Variants in SV2B observed in about 807,000 individuals in gnomAD.
SV2B encodes synaptic vesicle glycoprotein 2B, also known as solute carrier family 22 member B2.
A neutral mutation model predicts 73.9 loss-of-function variants in SV2B; 41 were observed. The ratio of observed to expected loss-of-function variants is 0.56; its 90% confidence interval spans 0.43 to 0.72. The LOEUF is 0.72. SV2B is among the 30% of genes least tolerant of loss of function. SV2B has a pLI of 0.00. For missense variants in SV2B, 764 were observed against 857.8 expected, an observed-to-expected ratio of 0.89 and a Z score of 1.37; for synonymous variants, 314 against 314.2, an observed-to-expected ratio of 1.00 and a Z score of 0.01.
chr15:91,120,958 C>T (rs1252164748), intron 1 of SV2B, among the ~76,000 whole-genome samples: 1 of 152,134 alleles, frequency 6.6e-6, no homozygotes, highest in Non-Finnish European at 1.5e-5. Flanking sequence ...GATGGCAGAG[C>T]TGCAGCACCC....
chr15:91,226,362 T>C lies in SV2B; in HGVS notation c.99T>C (p.Ser33=), dbSNP rs535010222. ...CCAACCCAGAAGAAGATGCACAGAG[T>C]GATGTCACCGAAGGCCATGATGAGG... ...NESNPEEDAQ[S]DVTEGHDEED... is the part of the protein sequence containing the mutation. The change falls in exon 2 of 13, where the codon AGT becomes AGC. Residue 33 remains serine (S), a synonymous_variant. Transcript: ENST00000394232. The C allele has an allele frequency of 1.1e-5, 18 of 1,613,570 alleles. No homozygotes were observed. The highest frequency in any genetic ancestry group is 4.5e-5 in the East Asian group (2 of 44,868).
intron 1 of SV2B, chr15:91,102,243 G>A (rs973424637): frequency 2.6e-5 from 4 of 152,128 alleles, no homozygotes; most frequent in Non-Finnish European, 4.4e-5. Context: ...TGTTACATGC[G>A]CCTACATCAT....
chr15:91,165,342 TA>T (rs1193313355), intron 1 of SV2B, among the ~76,000 whole-genome samples: 14 of 152,092 alleles, frequency 9.2e-5, no homozygotes, highest in Admixed American at 7.2e-4. Context: ...AAAAAAAAAT[TA>T]TTTTTTTAAA....
At chr15:91,131,147 GTTTTTTTTTTTTT>G (rs56130189) in intron 1 of SV2B, among the ~76,000 whole-genome samples, 1 of 118,090 alleles carries the variant, frequency 8.5e-6, no homozygotes, top group Non-Finnish European at 1.7e-5. Flanking sequence ...ATGTTTTCTT[GTTTTTTTTTTTTT>G]TTTTTTTTAA....
At chr15:91,202,824 C>T (rs1442665661) in intron 1 of SV2B, among the ~76,000 whole-genome samples, 1 of 152,066 alleles carries the variant, frequency 6.6e-6, no homozygotes, top group African/African-American at 2.4e-5. Flanking sequence ...GCCTTTTTAT[C>T]CCCACAGTAA....
chr15:91,168,301 C>CGAGAGAGAGAGAGAGAGAGA lies in SV2B; in HGVS notation c.-391-57561_-391-57542dup, dbSNP rs113991291. On this transcript the variant is annotated intron_variant, in intron 1 of 12. Coordinates refer to ENST00000394232, the MANE Select transcript of SV2B (RefSeq NM_001323032.3). ...TACCTTTGGGCAAAATGGTGAGATACGAGAGAGAGAGAGAGAGAGAGAGAG... is the reference window on the plus strand; with the variant it reads ...TACCTTTGGGCAAAATGGTGAGATACGAGAGAGAGAGAGAGAGAGAGAGAGAGAGAGAGAGAGAGAGAGAG... Among the ~76,000 whole-genome samples, 1,311 of 137,200 alleles carry CGAGAGAGAGAGAGAGAGAGA rather than the reference C, an allele frequency of 9.6e-3. 24 individuals carry two copies. Among genetic ancestry groups the CGAGAGAGAGAGAGAGAGAGA allele is most frequent in the African/African-American group, 0.02 (733 of 35,986 alleles). 90.0% of individuals were successfully genotyped at this position (137,200 alleles called of 152,430 possible). A position where few individuals can be genotyped will look rare whatever the true frequency, so the allele number is the denominator to read the frequency against.
At chr15:91,263,042 A>G (rs1388124371) in intron 6 of SV2B, among the ~76,000 whole-genome samples, 1 of 152,216 alleles carries the variant, frequency 6.6e-6, no homozygotes, top group African/African-American at 2.4e-5. Flanking sequence ...TTTTTGCACT[A>G]CATCAACCTG....
intron 1 of SV2B, among the ~76,000 whole-genome samples, chr15:91,218,260 T>C (rs2046101143): frequency 6.6e-6 from 1 of 152,194 alleles, no homozygotes; most frequent in Admixed American, 6.5e-5. Context: ...CCAAGGCCTG[T>C]CTGCTCAGTT....
At chr15:91,228,480 T>C (rs2046456937) in intron 2 of SV2B, among the ~76,000 whole-genome samples, 1 of 152,168 alleles carries the variant, frequency 6.6e-6, no homozygotes, top group Non-Finnish European at 1.5e-5. Context: ...TCTGAGACAT[T>C]AATTTGTTTT....
chr15:91,187,797 T>C (rs1257662229), intron 1 of SV2B, among the ~76,000 whole-genome samples: 1 of 152,150 alleles, frequency 6.6e-6, no homozygotes, highest in Non-Finnish European at 1.5e-5. Flanking sequence ...GAAGCAGAAC[T>C]TGGGATTTGT....
intron 1 of SV2B, among the ~76,000 whole-genome samples, chr15:91,203,260 C>T (rs1242913375): frequency 6.6e-6 from 1 of 152,210 alleles, no homozygotes; most frequent in African/African-American, 2.4e-5. Flanking sequence ...TGCATAGTCA[C>T]CCCTGAGGTG....
In SV2B at chr15:91,229,451, C is replaced by T. The variant is rs186811743; in HGVS notation, c.451+2737C>T. 1.6e-4 allele frequency among the ~76,000 whole-genome samples: 24 copies of T among 152,260 alleles called. No homozygotes were observed. Among genetic ancestry groups the T allele is most frequent in the South Asian group, 8.3e-4 (4 of 4,816 alleles). ...ACTTTATATTCTGCCATTCTCCCAT[C>T]GGGCATTTGCAGTGAACTATAGCTG... On this transcript the variant is annotated intron_variant, in intron 2 of 12. Transcript: ENST00000394232. This position sits in a 1 kb window ranked among gnomAD's most constrained non-coding sequence, Gnocchi z 4.3.
At chr15:91,135,687 A>G (rs1172089217) in intron 1 of SV2B, among the ~76,000 whole-genome samples, 3 of 152,188 alleles carry the variant, frequency 2.0e-5, no homozygotes, top group Non-Finnish European at 2.9e-5. Context: ...AGAAGGAACC[A>G]GCGTTTACTG....
Position 91,265,936 on chromosome 15 carries a change from A to T in SV2B, c.1009-646A>T, listed in dbSNP as rs1445498732. Among the ~76,000 whole-genome samples the T allele has an allele frequency of 6.6e-6, 1 of 152,148 alleles. No homozygotes were observed. Among genetic ancestry groups the T allele is most frequent in the Non-Finnish European group, 1.5e-5 (1 of 68,018 alleles). ...GGCAGGTGGATCACGAGGCCAGGAG[A>T]TGGAGACCATCCTGGCCAACATGGT... is the stretch of plus-strand genomic sequence containing the variant. On this transcript the variant is annotated intron_variant, in intron 6 of 12. Transcript: ENST00000394232. The surrounding 1 kb of genome is among the most constrained non-coding windows in gnomAD (Gnocchi z 4.2).
In SV2B at chr15:91,283,917, G is replaced by A. The variant is rs1596786905; in HGVS notation, c.1508-104G>A. The A allele has an allele frequency of 4.3e-6, 5 of 1,166,044 alleles. No individual in the cohort carries two copies. The highest frequency in any genetic ancestry group is 4.8e-5 in the East Asian group (2 of 41,966). The allele number at this position is 1,166,044 out of a possible 1,614,324, so 72.2% of individuals were successfully genotyped here. A position where few individuals can be genotyped will look rare whatever the true frequency, so the allele number is the denominator to read the frequency against. Reference sequence around the variant, plus strand: ...GAGGCTGTCTGACTGGCAAAGGCTGGCACAGCCTGCCTACAGGAGGGGGCA... The same window carrying A: ...GAGGCTGTCTGACTGGCAAAGGCTGACACAGCCTGCCTACAGGAGGGGGCA... On this transcript the variant is annotated intron_variant, in intron 10 of 12. Transcript: ENST00000394232. The surrounding 1 kb of genome is among the most constrained non-coding windows in gnomAD (Gnocchi z 4.3).
In SV2B at chr15:91,268,296, G is replaced by T. The variant is rs2048173996; in HGVS notation, c.1209-145G>T. 14 of 802,236 alleles carry T rather than the reference G, an allele frequency of 1.7e-5. No homozygotes were observed. In the East Asian group the frequency reaches 3.5e-4, roughly 20 times the overall value. The allele number at this position is 802,236 out of a possible 1,614,324, so 49.7% of individuals were successfully genotyped here. Reference sequence around the variant, plus strand: ...TTTCCCCTTGTATTTATTAATATGAGGATTTATATTGTCAGATTTTCTAAT... The same window carrying T: ...TTTCCCCTTGTATTTATTAATATGATGATTTATATTGTCAGATTTTCTAAT... On this transcript the variant is annotated intron_variant, in intron 8 of 12. Transcript: ENST00000394232. The surrounding 1 kb of genome is among the most constrained non-coding windows in gnomAD (Gnocchi z 4.4).
At chr15:91,155,670 G>A (rs1166486574) in intron 1 of SV2B, among the ~76,000 whole-genome samples, 1 of 152,082 alleles carries the variant, frequency 6.6e-6, no homozygotes, top group Non-Finnish European at 1.5e-5. Context: ...CTTGTTGCAG[G>A]AGGATGCCCT....
At position 91,292,741 on chromosome 15, in the gene SV2B, G is replaced by A; in HGVS notation, c.*189G>A. 2 of 646,280 alleles carry A rather than the reference G, an allele frequency of 3.1e-6. No individual in the cohort carries two copies. Among genetic ancestry groups the A allele is most frequent in the East Asian group, 6.2e-5 (2 of 32,302 alleles). 40.0% of individuals were successfully genotyped at this position (646,280 alleles called of 1,614,324 possible). A position where few individuals can be genotyped will look rare whatever the true frequency, so the allele number is the denominator to read the frequency against. The stretch of plus-strand genomic sequence containing the variant: ...TGTAACTCAGGTGACTGATTTGGGG[G>A]TGCCCTGAGCCACCCTTAGAATCAC... On this transcript the variant is annotated 3_prime_UTR_variant, in exon 13 of 13. Coordinates refer to ENST00000394232, the MANE Select transcript of SV2B (RefSeq NM_001323032.3).
Position 91,122,464 on chromosome 15 carries a change from C to T in SV2B, c.-392+22101C>T, listed in dbSNP as rs2042366925. ...TCCTGCTGGGTTGACTCTCTGATCC[C>T]TATGCCTTGTAAGCCATTTGGACAC... On this transcript the variant is annotated intron_variant, in intron 1 of 12. Coordinates refer to ENST00000394232, the MANE Select transcript of SV2B (RefSeq NM_001323032.3). This position sits in a 1 kb window ranked among gnomAD's most constrained non-coding sequence, Gnocchi z 4.3. Among the ~76,000 whole-genome samples the T allele has an allele frequency of 6.6e-6, 1 of 152,206 alleles. No homozygotes were observed. The highest frequency in any genetic ancestry group is 2.1e-4 in the South Asian group (1 of 4,830).
Sources: allele counts gnomAD v4.1 joint callset (sites outside exome capture counted in the v4.1 genomes callset), GRCh38; gene constraint gnomAD v4.1.1; non-coding constraint Gnocchi (gnomAD v3.1); transcripts MANE v1.5; gene names NCBI Gene and HGNC (gene_info 2026-07-23, HGNC 2026-07-21).